Variants in LRRC53 observed in about 807,000 individuals in gnomAD.
LRRC53 encodes the protein leucine-rich repeat-containing protein 53.
A neutral mutation model predicts 13.6 loss-of-function variants in LRRC53; 25 were observed. The ratio of observed to expected loss-of-function variants is 1.83; its 90% CI spans 1.34 to 2.56. LRRC53 has a LOEUF of 2.56. Among genes scored for constraint, LRRC53 ranks in the 30% most tolerant of loss-of-function variants. LRRC53 has a pLI of 0.00. For missense variants in LRRC53, 527 were observed against 275.8 expected, an observed-to-expected ratio of 1.91 and a Z score of -6.45; for synonymous variants, 204 against 109.8, an observed-to-expected ratio of 1.86 and a Z score of -5.37.
intron 1 of LRRC53, among the ~76,000 whole-genome samples, chr1:74,509,747 CTTTTTTTTTTTTTTTTTTTTT>C (rs68193106): frequency 6.9e-4 from 33 of 47,816 alleles, no homozygotes; most frequent in African/African-American, 2.6e-3. Flanking sequence ...ATCTGAATTT[CTTTTTTTTTTTTTTTTTTTTT>C]TTTTTTTTTG....
chr1:74,489,076 A>G (rs1668907275), intron 1 of LRRC53: 1 of 800,584 alleles, frequency 1.2e-6, no homozygotes, highest in Non-Finnish European at 1.9e-6. Context: ...AAATAAAAAT[A>G]TACTTTATTG....
intron 1 of LRRC53, among the ~76,000 whole-genome samples, chr1:74,505,414 T>C (rs1669842343): frequency 6.6e-6 from 1 of 152,232 alleles, no homozygotes; most frequent in Non-Finnish European, 1.5e-5. Flanking sequence ...ACTGTTGCTA[T>C]GTTCGCAGCA....
chr1:74,503,603 T>C (rs962756508), intron 1 of LRRC53, among the ~76,000 whole-genome samples: 18 of 152,132 alleles, frequency 1.2e-4, no homozygotes, highest in African/African-American at 3.9e-4. Context: ...AGGATAGCTA[T>C]CATCTCTGAG....
intron 1 of LRRC53, among the ~76,000 whole-genome samples, chr1:74,487,733 T>A (rs1347292883): frequency 1.3e-5 from 2 of 152,134 alleles, no homozygotes; most frequent in African/African-American, 4.8e-5. Flanking sequence ...AAGAAGAGCA[T>A]CTACTTTAGG....
chr1:74,524,325 G>A, the LRRC53 span, among the ~76,000 whole-genome samples: 1 of 152,226 alleles, frequency 6.6e-6, no homozygotes, highest in African/African-American at 2.4e-5. Flanking sequence ...GGGCCTGCCA[G>A]AAACAGAGGG....
intron 4 of LRRC53, among the ~76,000 whole-genome samples, chr1:74,473,492 C>T (rs1021388474): frequency 2.4e-4 from 37 of 151,244 alleles, no homozygotes; most frequent in African/African-American, 7.3e-4. Context: ...ACATCTTAAC[C>T]GCAAAAAATC....
intron 4 of LRRC53, among the ~76,000 whole-genome samples, chr1:74,472,795 G>T (rs1668002072): frequency 6.6e-6 from 1 of 152,140 alleles, no homozygotes; most frequent in Non-Finnish European, 1.5e-5. Context: ...GGTTTGTGTG[G>T]CAGCAGTCTT....
intron 1 of LRRC53, among the ~76,000 whole-genome samples, chr1:74,508,311 A>G (rs2100368051): frequency 6.6e-6 from 1 of 152,382 alleles, no homozygotes; most frequent in Middle Eastern, 3.4e-3. Context: ...TCATAAGTGT[A>G]ACCATACTGA....
chr1:74,507,228 C>CCT (rs757447176), intron 1 of LRRC53, among the ~76,000 whole-genome samples: 1 of 138,636 alleles, frequency 7.2e-6, no homozygotes, highest in Non-Finnish European at 1.6e-5. Context: ...TCTTCACCCC[C>CCT]CCCCCATCTT....
chr1:74,532,457 T>G, the LRRC53 span, among the ~76,000 whole-genome samples: 1 of 107,782 alleles, frequency 9.3e-6, no homozygotes, highest in Non-Finnish European at 1.8e-5. Flanking sequence ...TATTATTATT[T>G]TTTTCTTTTT....
intron 1 of LRRC53, among the ~76,000 whole-genome samples, chr1:74,501,174 T>C (rs1197689181): frequency 6.6e-6 from 1 of 152,206 alleles, no homozygotes; most frequent in African/African-American, 2.4e-5. Flanking sequence ...CACCCTTTAC[T>C]TTCTCTATCC....
chr1:74,491,591 G>A (rs568950847), intron 1 of LRRC53, among the ~76,000 whole-genome samples: 105 of 152,304 alleles, frequency 6.9e-4, no homozygotes, highest in African/African-American at 2.4e-3. Context: ...GGTAAAGGGA[G>A]TGGCCTGTTC....
At chr1:74,528,715 C>T in the LRRC53 span, among the ~76,000 whole-genome samples, 1 of 152,184 alleles carries the variant, frequency 6.6e-6, no homozygotes, top group South Asian at 2.1e-4. Flanking sequence ...AATGTGTTTA[C>T]ACACCTATGT....
chr1:74,512,895 T>TTAA, upstream of LRRC53, among the ~76,000 whole-genome samples: 1 of 152,176 alleles, frequency 6.6e-6, no homozygotes, highest in Admixed American at 6.5e-5. Context: ...TATGATGGGG[T>TTAA]CACTATGTGA....
chr1:74,486,491 TG>T (rs1458878765), intron 1 of LRRC53, among the ~76,000 whole-genome samples: 1 of 117,116 alleles, frequency 8.5e-6, no homozygotes, highest in Non-Finnish European at 1.6e-5. Flanking sequence ...TTTTTGTGTG[TG>T]TTTTTTGTTT....
At chr1:74,500,447 C>CA (rs1458880631) in intron 1 of LRRC53, among the ~76,000 whole-genome samples, 214 of 150,728 alleles carry the variant, frequency 1.4e-3, no homozygotes, top group Non-Finnish European at 2.6e-3. Flanking sequence ...ACTAAAAATA[C>CA]AAAAAAATTA....
chr1:74,522,749 C>G, the LRRC53 span, among the ~76,000 whole-genome samples: 1 of 152,052 alleles, frequency 6.6e-6, no homozygotes, highest in Admixed American at 6.6e-5. Context: ...TCATTTGATT[C>G]AAATCTGGAT....
intron 1 of LRRC53, among the ~76,000 whole-genome samples, chr1:74,491,351 C>T (rs899761959): frequency 1.3e-5 from 2 of 152,218 alleles, no homozygotes; most frequent in Admixed American, 1.3e-4. Context: ...TCCCCAGTAG[C>T]TGGGACTACA....
intron 1 of LRRC53, among the ~76,000 whole-genome samples, chr1:74,495,337 C>CA (rs2100319117): frequency 6.6e-6 from 1 of 152,270 alleles, no homozygotes; most frequent in African/African-American, 2.4e-5. Context: ...TAAAATGTGT[C>CA]AAAATAGAAA....
Sources: allele counts gnomAD v4.1 joint callset (sites outside exome capture counted in the v4.1 genomes callset), GRCh38; gene constraint gnomAD v4.1.1; transcripts MANE v1.5; gene names NCBI Gene and HGNC (gene_info 2026-07-23, HGNC 2026-07-21).